NFYA: variants seen among roughly 807,000 people sequenced by gnomAD.
NFYA encodes the protein CAAT-box DNA binding protein subunit A.
In NFYA, 28 loss-of-function variants were observed where a neutral mutation model predicts 52.8. The observed-to-expected ratio is 0.53, with a 90% CI of 0.39 to 0.73. The LOEUF is 0.73. Ranked by LOEUF, NFYA falls within the 30% of genes least tolerant of loss-of-function variation. The pLI is 0.00. For synonymous variants in NFYA, 150 were observed against 150.7 expected (o/e 1.00, Z 0.03); for missense variants, 234 against 427.0 (o/e 0.55, Z 3.98).
rs1428981833 is a variant in NFYA, at chr6:41,099,053, G to A, written c.*1643G>A. ...AAGCCCTCTAAAAACACCACAAAGA[G>A]AGATGATTGTAATGATAGAAATAGA... is the stretch of plus-strand genomic sequence containing the variant. On this transcript the variant is annotated 3_prime_UTR_variant, in exon 10 of 10. Transcript: ENST00000341376. 1 of 152,172 alleles carries A rather than the reference G, an allele frequency of 6.6e-6. No individual in the cohort carries two copies. Among genetic ancestry groups the A allele is most frequent in the African/African-American group, 2.4e-5 (1 of 41,428 alleles). 9.4% of individuals were successfully genotyped at this position (152,172 alleles called of 1,614,324 possible). A position where few individuals can be genotyped will look rare whatever the true frequency, so the allele number is the denominator to read the frequency against.
Position 41,094,472 on chromosome 6 carries a change from A to G in NFYA, c.965A>G (p.Lys322Arg), listed in dbSNP as rs1373167696. ...RGEGGRFFSP[K>R]EKDSPHMQDP... ...GAAGGTGGACGATTTTTCTCTCCAA[A>G]GGAAAAGGATAGTCCCCATATGCAG... Residue 322 changes from lysine (K) to arginine (R), a missense_variant, in exon 9 of 10, where the codon AAG (lysine) becomes AGG (arginine). Lys to Arg is a conservative substitution (Grantham distance 26). This residue lies in a region of NFYA where 35 missense variants were observed against 34.2 expected (regional missense o/e 1.02). Transcript: ENST00000341376. 4 of 1,614,052 alleles carry G rather than the reference A, an allele frequency of 2.5e-6. No homozygotes were observed. Among genetic ancestry groups the G allele is most frequent in the Non-Finnish European group, 8.5e-7 (1 of 1,179,984 alleles).
chr6:41,079,252 A>G, intron 2 of NFYA, 88 bp downstream of exon 2: 1 of 1,219,174 alleles, frequency 8.2e-7, no homozygotes, highest in Non-Finnish European at 1.2e-6. Flanking sequence ...CTGGGGAATT[A>G]TTTGAAAGAT....
Position 41,099,178 on chromosome 6 carries a change from G to C in NFYA, c.*1768G>C, listed in dbSNP as rs1561858640. ...CCAGATGTCAAAGGACTGATCCTTT[G>C]GTAAGCTCACTAGAAACTTCTAGCT... On this transcript the variant is annotated 3_prime_UTR_variant, in exon 10 of 10. Coordinates refer to ENST00000341376, the MANE Select transcript of NFYA (RefSeq NM_002505.5). 1.3e-5 allele frequency: 2 copies of C among 152,296 alleles called. No individual in the cohort carries two copies. The highest frequency in any genetic ancestry group is 3.9e-4 in the East Asian group (2 of 5,190). The allele number at this position is 152,296 out of a possible 1,614,324, so 9.4% of individuals were successfully genotyped here.
intron 4 of NFYA, among the ~76,000 whole-genome samples, chr6:41,086,473 C>G (rs1418930140): frequency 6.6e-6 from 1 of 152,112 alleles, no homozygotes; most frequent in Non-Finnish European, 1.5e-5. Context: ...AGGTGAGATT[C>G]CATAGCCTCC....
In NFYA at chr6:41,092,932, T is replaced by C. The variant is rs1764233777; in HGVS notation, c.735T>C (p.Ser245=). 6.2e-7 allele frequency: 1 copy of C among 1,613,580 alleles called. No homozygotes were observed. Among genetic ancestry groups the C allele is most frequent in the South Asian group, 1.1e-5 (1 of 90,986 alleles). Reference sequence around the variant, plus strand: ...CACAGATGGTTCCTGGGGCTGGCTCTGTGCCTGCTATCCAAAGAATCCCTC... The same window carrying C: ...CACAGATGGTTCCTGGGGCTGGCTCCGTGCCTGCTATCCAAAGAATCCCTC... ...GMVMMVPGAG[S]VPAIQRIPLP... The change falls in exon 8 of 10, where the codon TCT becomes TCC. Residue 245 remains serine (S), a synonymous_variant. Coordinates refer to ENST00000341376, the MANE Select transcript of NFYA (RefSeq NM_002505.5).
At chr6:41,096,879 C>G (rs1166253005) in intron 9 of NFYA, among the ~76,000 whole-genome samples, 1 of 152,210 alleles carries the variant, frequency 6.6e-6, no homozygotes, top group Non-Finnish European at 1.5e-5. Context: ...TCACTTTACC[C>G]ATCTGGCCTT....
chr6:41,092,788 C>A, intron 7 of NFYA, 124 bp from the exon 8 acceptor site: 2 of 900,122 alleles, frequency 2.2e-6, no homozygotes, highest in Non-Finnish European at 3.4e-6. Context: ...CGCATTTACC[C>A]AAGTACCCTA....
At chr6:41,092,473 C>A (rs12211177) in intron 7 of NFYA, among the ~76,000 whole-genome samples, 13 of 152,018 alleles carry the variant, frequency 8.6e-5, no homozygotes, top group African/African-American at 2.2e-4. Context: ...TTGTTTTTAC[C>A]TACATTTAGT....
chr6:41,089,796 A>G lies in NFYA; in HGVS notation c.441+86A>G, dbSNP rs1757711756. ...GTCAGATATTTCATGTATAGCATGTATAGTAGAAAAGGGGATGAAAACCAT... is the reference window on the plus strand; with the variant it reads ...GTCAGATATTTCATGTATAGCATGTGTAGTAGAAAAGGGGATGAAAACCAT... On this transcript the variant is annotated intron_variant, in intron 5 of 9. Coordinates refer to ENST00000341376, the MANE Select transcript of NFYA (RefSeq NM_002505.5). The G allele has an allele frequency of 2.6e-6, 4 of 1,518,788 alleles. No individual in the cohort carries two copies. In the Admixed American group the frequency reaches 8.3e-5, roughly 32 times the overall value. The allele number at this position is 1,518,788 out of a possible 1,614,324, so 94.1% of individuals were successfully genotyped here.
At chr6:41,090,351 CT>C in intron 6 of NFYA, 42 bp downstream of exon 6, 3 of 1,321,600 alleles carry the variant, frequency 2.3e-6, no homozygotes, top group East Asian at 2.3e-5. Flanking sequence ...TTTGGGGCAA[CT>C]TTTTTGTCCC....
At chr6:41,083,900 T>C in intron 3 of NFYA, 146 bp from the exon 4 acceptor site, 1 of 701,850 alleles carries the variant, frequency 1.4e-6, no homozygotes, top group South Asian at 2.5e-5. Context: ...TAAAGATAAC[T>C]TGAGGACTTG....
In NFYA at chr6:41,084,236, G is replaced by T. The variant is rs1490093179; in HGVS notation, c.309+44G>T. The T allele has an allele frequency of 1.9e-6, 3 of 1,589,714 alleles. No homozygotes were observed. In the Middle Eastern group the frequency reaches 5.0e-4, roughly 267 times the overall value. ...TATTGAGCAGTATATCAGAGGAGAG[G>T]TTTCAAAGAATAGATTATTACAACC... On this transcript the variant is annotated intron_variant, in intron 4 of 9. Coordinates refer to ENST00000341376, the MANE Select transcript of NFYA (RefSeq NM_002505.5).
At position 41,098,137 on chromosome 6, in the gene NFYA, T is replaced by A. The variant is rs1333859926; in HGVS notation, c.*727T>A. ...GCCTGCTTGTCCCTCTGTTGACTGG[T>A]CATCTGGACCATCGTACTTGCTGTG... On this transcript the variant is annotated 3_prime_UTR_variant, in exon 10 of 10. Transcript: ENST00000341376. 6.5e-6 allele frequency: 1 copy of A among 152,742 alleles called. No homozygotes were observed. The highest frequency in any genetic ancestry group is 2.4e-5 in the African/African-American group (1 of 41,470). 9.5% of individuals were successfully genotyped at this position (152,742 alleles called of 1,614,324 possible).
At chr6:41,092,861 C>T (rs753178522) in intron 7 of NFYA, 51 bp from the exon 8 acceptor site, 1 of 1,547,202 alleles carries the variant, frequency 6.5e-7, no homozygotes, top group African/African-American at 1.4e-5. Flanking sequence ...GAAACTGTTT[C>T]TATGTCCATA....
chr6:41,075,667 T>C (rs1304876220), intron 1 of NFYA: 1 of 151,922 alleles, frequency 6.6e-6, no homozygotes, highest in Non-Finnish European at 1.5e-5. Context: ...TAAATCTTTC[T>C]CACACTTAAG....
Position 41,079,044 on chromosome 6 carries a change from C to T in NFYA, c.-46C>T. 1 of 1,580,630 alleles carries T rather than the reference C, an allele frequency of 6.3e-7. No homozygotes were observed. The highest frequency in any genetic ancestry group is 8.7e-7 in the Non-Finnish European group (1 of 1,151,156). The stretch of plus-strand genomic sequence containing the variant: ...TTTCTAACAGGAGTGTACCTCACAG[C>T]CTTCTAGGATCTCCAGAGTGGACAG... On this transcript the variant is annotated 5_prime_UTR_variant, in exon 2 of 10. Transcript: ENST00000341376.
At chr6:41,094,336 A>G in intron 8 of NFYA, 60 bp from the exon 9 acceptor site, 1 of 1,414,728 alleles carries the variant, frequency 7.1e-7, no homozygotes, top group South Asian at 1.2e-5. Flanking sequence ...TTTGTGCACT[A>G]GATAACTGTG....
Position 41,074,281 on chromosome 6 carries a change from G to A in NFYA, c.-62+1197G>A, listed in dbSNP as rs1395629659. Among the ~76,000 whole-genome samples the A allele has an allele frequency of 3.3e-5, 5 of 152,332 alleles. No individual in the cohort carries two copies. In the East Asian group the frequency reaches 9.6e-4, roughly 29 times the overall value. ...TGTTGTGGGGTTTTCCTTAGGGTGA[G>A]AGGTTGCTGTTGGCAACCAATTATC... On this transcript the variant is annotated intron_variant, in intron 1 of 9. Transcript: ENST00000341376.
intron 4 of NFYA, 118 bp from the exon 5 acceptor site, chr6:41,089,445 GGAGGGCAGAGCAGGAC>G: frequency 1.1e-6 from 1 of 903,166 alleles, no homozygotes; most frequent in Non-Finnish European, 1.6e-6. Flanking sequence ...ACTTCATAAT[GGAGGGCAGAGCAGGAC>G]TTCTTTTTTC....
Sources: allele counts gnomAD v4.1 joint callset (sites outside exome capture counted in the v4.1 genomes callset), GRCh38; gene constraint gnomAD v4.1.1; regional missense constraint gnomAD v4.1.1; transcripts MANE v1.5; gene names NCBI Gene and HGNC (gene_info 2026-07-23, HGNC 2026-07-21).